The following ATXN1 variants were observed in gnomAD, a reference collection of about 807,000 sequenced individuals.
ATXN1 encodes the protein ataxin 1.
ATXN1 carries 8 observed loss-of-function variants against 56.4 expected under a neutral mutation model. That is an observed-to-expected ratio of 0.14 (90% confidence interval 0.08 to 0.26). ATXN1 has a LOEUF of 0.26. Ranked by LOEUF, ATXN1 falls within the 10% of genes least tolerant of loss-of-function variation. ATXN1 has a pLI of 1.00. For synonymous variants in ATXN1, 514 were observed against 494.6 expected, an observed-to-expected ratio of 1.04 and a Z score of -0.52; for missense variants, 987 against 1,106.5, an observed-to-expected ratio of 0.89 and a Z score of 1.53.
At chr6:16,468,180 T>A (rs1284279081) in intron 6 of ATXN1, among the ~76,000 whole-genome samples, 7 of 152,124 alleles carry the variant, frequency 4.6e-5, no homozygotes, top group Admixed American at 1.3e-4. Context: ...TATTATTATT[T>A]TTATTTTTAT....
chr6:16,630,971 T>G (rs1763493229), intron 3 of ATXN1, among the ~76,000 whole-genome samples: 1 of 152,232 alleles, frequency 6.6e-6, no homozygotes, highest in Admixed American at 6.5e-5. Flanking sequence ...TTTGTTGGCT[T>G]ATGAAGGACC....
intron 3 of ATXN1, among the ~76,000 whole-genome samples, chr6:16,632,251 A>T (rs1763517194): frequency 6.6e-6 from 1 of 152,146 alleles, no homozygotes; most frequent in Non-Finnish European, 1.5e-5. Flanking sequence ...GGGCAGTGAG[A>T]CACATCCTGA....
At chr6:16,686,073 T>C (rs1274319372) in intron 2 of ATXN1, among the ~76,000 whole-genome samples, 1 of 152,188 alleles carries the variant, frequency 6.6e-6, no homozygotes. Flanking sequence ...TACATGTCAA[T>C]TCACAAAAAT....
intron 3 of ATXN1, among the ~76,000 whole-genome samples, chr6:16,591,660 C>T (rs535744018): frequency 6.6e-5 from 10 of 152,238 alleles, no homozygotes; most frequent in African/African-American, 2.4e-4. Flanking sequence ...AATGATCTGT[C>T]TCCCTTTCTA....
chr6:16,484,124 C>A (rs1410886295), intron 6 of ATXN1, among the ~76,000 whole-genome samples: 2 of 152,092 alleles, frequency 1.3e-5, no homozygotes, highest in Admixed American at 1.3e-4. Flanking sequence ...AACCAAGATG[C>A]TGATTGCTTA....
intron 5 of ATXN1, among the ~76,000 whole-genome samples, chr6:16,493,836 A>G (rs1031602251): frequency 6.6e-6 from 1 of 152,252 alleles, no homozygotes; most frequent in African/African-American, 2.4e-5. Context: ...GAAACTGTGC[A>G]GTCCCTCAAT....
chr6:16,759,967 C>G (rs1223307567), intron 1 of ATXN1, among the ~76,000 whole-genome samples: 2 of 152,042 alleles, frequency 1.3e-5, no homozygotes, highest in African/African-American at 4.8e-5. Context: ...ACGGCCCTCG[C>G]CCCCCGCCCG....
intron 6 of ATXN1, among the ~76,000 whole-genome samples, chr6:16,375,164 G>A (rs936956232): frequency 1.4e-4 from 21 of 152,116 alleles, no homozygotes; most frequent in African/African-American, 4.1e-4. Context: ...CCCTATCGCC[G>A]CATCAAAAGA....
At chr6:16,625,649 C>G (rs987166931) in intron 3 of ATXN1, among the ~76,000 whole-genome samples, 2 of 151,906 alleles carry the variant, frequency 1.3e-5, no homozygotes, top group South Asian at 4.2e-4. Context: ...AAAAATATGA[C>G]TAAGATGTGG....
chr6:16,618,863 A>C (rs1464834071), intron 3 of ATXN1, among the ~76,000 whole-genome samples: 2 of 152,218 alleles, frequency 1.3e-5, no homozygotes, highest in Non-Finnish European at 2.9e-5. Context: ...GGAAAATATC[A>C]AAGTGGGAAA....
chr6:16,484,278 C>T (rs1280075970), intron 6 of ATXN1, among the ~76,000 whole-genome samples: 1 of 151,852 alleles, frequency 6.6e-6, no homozygotes, highest in East Asian at 1.9e-4. Flanking sequence ...ACCAAAAATA[C>T]AAAAAATTAG....
At chr6:16,474,864 A>ACACACACACACT (rs1554108897) in intron 6 of ATXN1, among the ~76,000 whole-genome samples, 2 of 148,936 alleles carry the variant, frequency 1.3e-5, no homozygotes, top group Non-Finnish European at 3.0e-5. Flanking sequence ...ACACACACAC[A>ACACACACACACT]CTCTCTCTCT....
At chr6:16,419,732 C>G (rs1390479926) in intron 6 of ATXN1, among the ~76,000 whole-genome samples, 2 of 152,108 alleles carry the variant, frequency 1.3e-5, no homozygotes, top group Non-Finnish European at 2.9e-5. Context: ...TGCTGAGTGG[C>G]TGCCCGGGTC....
chr6:16,476,725 T>C (rs1017128018), intron 6 of ATXN1, among the ~76,000 whole-genome samples: 4 of 152,208 alleles, frequency 2.6e-5, no homozygotes, highest in African/African-American at 9.6e-5. Flanking sequence ...CCTGAAAATA[T>C]GGGATGCTCT....
At chr6:16,755,584 C>G (rs1760863024) in intron 1 of ATXN1, among the ~76,000 whole-genome samples, 1 of 152,046 alleles carries the variant, frequency 6.6e-6, no homozygotes, top group African/African-American at 2.4e-5. Flanking sequence ...TTGCCATACA[C>G]AGTGACAGAA....
chr6:16,724,459 C>T (rs984295437), intron 2 of ATXN1, among the ~76,000 whole-genome samples: 6 of 152,076 alleles, frequency 3.9e-5, no homozygotes, highest in Admixed American at 6.6e-5. Context: ...CCCTGAGAGA[C>T]GACCTGTGCA....
chr6:16,572,410 T>C (rs1250210698), intron 4 of ATXN1, among the ~76,000 whole-genome samples: 1 of 152,164 alleles, frequency 6.6e-6, no homozygotes, highest in African/African-American at 2.4e-5. Flanking sequence ...CAAATGTGTA[T>C]GTCTAAGTCT....
At chr6:16,486,602 G>A (rs1760550073) in intron 5 of ATXN1, among the ~76,000 whole-genome samples, 2 of 152,112 alleles carry the variant, frequency 1.3e-5, no homozygotes, top group African/African-American at 4.8e-5. Context: ...CACTGGTAAG[G>A]CACCAATCAT....
At chr6:16,652,992 C>T (rs1002446978) in intron 3 of ATXN1, 4 of 152,176 alleles carry the variant, frequency 2.6e-5, no homozygotes, top group Non-Finnish European at 5.9e-5. Flanking sequence ...CCAAGCAAAA[C>T]TGAACTAAGC....
Sources: allele counts gnomAD v4.1 joint callset (sites outside exome capture counted in the v4.1 genomes callset), GRCh38; gene constraint gnomAD v4.1.1; transcripts MANE v1.5; gene names NCBI Gene and HGNC (gene_info 2026-07-23, HGNC 2026-07-21).